Variants in RSPH10B observed in about 807,000 individuals in gnomAD.
The protein encoded by RSPH10B is radial spoke head 10 homolog B (Chlamydomonas).
In RSPH10B, 7 loss-of-function variants were observed where a neutral mutation model predicts 52.5. That is an observed-to-expected ratio of 0.13 (90% confidence interval 0.08 to 0.25). The LOEUF (loss-of-function observed/expected upper bound fraction) is 0.25, where lower values mean the gene tolerates loss of function less well. Ranked by LOEUF, RSPH10B falls within the 10% of genes least tolerant of loss-of-function variation. The probability of loss-of-function intolerance (pLI) is 1.00; values close to 1 mark genes in which losing one functional copy is unlikely to be tolerated. For synonymous variants in RSPH10B, 28 were observed against 193.2 expected (o/e 0.14, Z 7.09); for missense variants, 89 against 542.5 (o/e 0.16, Z 8.30).
intron 10 of RSPH10B, among the ~76,000 whole-genome samples, chr7:5,945,623 A>AC (rs1248065832): frequency 1.1e-5 from 1 of 87,400 alleles, no homozygotes; most frequent in Non-Finnish European, 2.4e-5. Flanking sequence ...CATCTCAAAA[A>AC]AAAAAAAAAA....
intron 13 of RSPH10B, among the ~76,000 whole-genome samples, chr7:5,941,707 G>T (rs1780198678): frequency 1.5e-5 from 2 of 137,362 alleles, no homozygotes; most frequent in Non-Finnish European, 3.2e-5. Context: ...CCTCACCACT[G>T]CACTCCACCC....
At position 5,955,170 on chromosome 7, in the gene RSPH10B, A is replaced by C. The variant is rs1455382666; in HGVS notation, c.957+835T>G. ...ACAGAGCGAAACTCTGTCTCAAAAA[A>C]AAGAAAAAAAAAGTCATGTAATCAC... is the stretch of plus-strand genomic sequence containing the variant. On this transcript the variant is annotated intron_variant, in intron 7 of 18. Transcript: ENST00000337579. 7.5e-5 allele frequency among the ~76,000 whole-genome samples: 10 copies of C among 133,068 alleles called. 2 individuals carry two copies. The South Asian group carries it at 2.7e-3, about 36-fold the overall frequency. The allele number at this position is 133,068 out of a possible 152,430, so 87.3% of individuals were successfully genotyped here.
At chr7:5,931,615 G>C (rs1159404796) in intron 17 of RSPH10B, among the ~76,000 whole-genome samples, 1 of 150,950 alleles carries the variant, frequency 6.6e-6, no homozygotes, top group Non-Finnish European at 1.5e-5. Flanking sequence ...TCAGCACTTT[G>C]GGAGTCAAGG....
intron 18 of RSPH10B, among the ~76,000 whole-genome samples, chr7:5,927,070 A>ATATATGTGTGTGTATGTATGTGTGTGTG (rs1554284566): frequency 5.4e-5 from 6 of 110,726 alleles, no homozygotes; most frequent in Non-Finnish European, 1.2e-4. Context: ...GTGTGTGTAT[A>ATATATGTGTGTGTATGTATGTGTGTGTG]TGTGTGTGTG....
intron 13 of RSPH10B, among the ~76,000 whole-genome samples, chr7:5,941,089 C>G (rs1472145835): frequency 1.6e-5 from 1 of 62,976 alleles, no homozygotes; most frequent in African/African-American, 5.1e-5. Context: ...ACTGCTTGAG[C>G]CCAGGAGTTC....
At chr7:5,927,064 GTGTATA>G (rs1322682259) in intron 18 of RSPH10B, among the ~76,000 whole-genome samples, 21 of 103,810 alleles carry the variant, frequency 2.0e-4, no homozygotes, top group Non-Finnish European at 3.1e-4. Context: ...GTGTGTGTGT[GTGTATA>G]TGTGTGTGTG....
chr7:5,940,956 T>C (rs1222633052), intron 13 of RSPH10B, among the ~76,000 whole-genome samples: 2 of 88,990 alleles, frequency 2.2e-5, no homozygotes, highest in African/African-American at 3.8e-5. Flanking sequence ...ATTATTATTA[T>C]TATTATTATT....
chr7:5,933,596 TAAC>T lies in RSPH10B; in HGVS notation c.2140-724_2140-722del, dbSNP rs1236738484. Among the ~76,000 whole-genome samples the T allele has an allele frequency of 1.5e-5, 2 of 134,786 alleles. 1 individual carries two copies. Among genetic ancestry groups the T allele is most frequent in the Admixed American group, 1.5e-4 (2 of 13,126 alleles). The allele number at this position is 134,786 out of a possible 152,430, so 88.4% of individuals were successfully genotyped here. On this transcript the variant is annotated intron_variant, in intron 16 of 18. Coordinates refer to ENST00000337579, the Ensembl canonical transcript of RSPH10B. ...AACATGGGTGAAACCCCATCTCTAC[TAAC>T]AACACAAAAAATTAGCCGGGCGTGG...
At chr7:5,927,100 T>TGTGTGTGTGTGTGTA (rs1779530712) in intron 18 of RSPH10B, among the ~76,000 whole-genome samples, 1 of 63,642 alleles carries the variant, frequency 1.6e-5, no homozygotes, top group African/African-American at 5.2e-5. Flanking sequence ...GTGTGTGTAT[T>TGTGTGTGTGTGTGTA]TTTTTTTTTG....
rs1256490745 is a variant in RSPH10B at position 5,966,396 on chromosome 7, G to A, written c.254+467C>T. ...GCTGTATGTTTGCTATTTGGGTGAT[G>A]GGCTTACTTAGAAGCCCAAACCTCA... On this transcript the variant is annotated intron_variant, in intron 1 of 18. Transcript: ENST00000337579. 5.9e-5 allele frequency among the ~76,000 whole-genome samples: 7 copies of A among 118,064 alleles called. 1 individual carries two copies. Among genetic ancestry groups the A allele is most frequent in the Non-Finnish European group, 9.2e-5 (5 of 54,264 alleles). The allele number at this position is 118,064 out of a possible 152,430, so 77.5% of individuals were successfully genotyped here. A position where few individuals can be genotyped will look rare whatever the true frequency, so the allele number is the denominator to read the frequency against.
chr7:5,940,851 G>A (rs1462401696), intron 13 of RSPH10B, among the ~76,000 whole-genome samples: 140 of 59,868 alleles, frequency 2.3e-3, no homozygotes, highest in African/African-American at 4.0e-3. Context: ...ACTTGAACCC[G>A]GGAGGCGGAG....
In RSPH10B at chr7:5,941,899, G is replaced by GT. The variant is rs1199623695; in HGVS notation, c.1758+1424dup. On this transcript the variant is annotated intron_variant, in intron 13 of 18. Transcript: ENST00000337579. The stretch of plus-strand genomic sequence containing the variant: ...GATATCCATCCTCCCCACTTCCTTA[G>GT]TTTTTTTTTTGAGACAGAGTTCTGC... Among the ~76,000 whole-genome samples the GT allele has an allele frequency of 3.4e-3, 494 of 145,376 alleles. 5 individuals carry two copies. The highest frequency in any genetic ancestry group is 7.2e-3 in the African/African-American group (284 of 39,394).
chr7:5,954,988 TAAAAAAA>T (rs1185408288), intron 7 of RSPH10B, among the ~76,000 whole-genome samples: 1 of 24,168 alleles, frequency 4.1e-5, no homozygotes. Context: ...CTGTAACTAC[TAAAAAAA>T]AAAAAAAAAA....
At chr7:5,933,578 G>A (rs1192006042) in intron 16 of RSPH10B, among the ~76,000 whole-genome samples, 6 of 137,430 alleles carry the variant, frequency 4.4e-5, no homozygotes, top group African/African-American at 1.5e-4. Flanking sequence ...GCTAACATGG[G>A]TGAAACCCCA....
chr7:5,931,673 G>A (rs1349420010), intron 17 of RSPH10B, among the ~76,000 whole-genome samples: 1 of 150,090 alleles, frequency 6.7e-6, no homozygotes, highest in Admixed American at 6.8e-5. Flanking sequence ...GACCAGCCTG[G>A]GCAACAGAGC....
chr7:5,958,110 C>T, intron 5 of RSPH10B, 83 bp from the exon 8 acceptor site: 1 of 420,130 alleles, frequency 2.4e-6, no homozygotes. Flanking sequence ...AAACACTCCC[C>T]TTGAGCTCCT....
At chr7:5,931,918 G>A (rs1233970843) in intron 17 of RSPH10B, among the ~76,000 whole-genome samples, 1 of 151,314 alleles carries the variant, frequency 6.6e-6, no homozygotes, top group African/African-American at 2.4e-5. Flanking sequence ...GAACCCAGGA[G>A]GCAGAGGTTG....
intron 13 of RSPH10B, among the ~76,000 whole-genome samples, chr7:5,941,975 C>A (rs1780216409): frequency 6.7e-6 from 1 of 149,378 alleles, no homozygotes. Context: ...TCATTGCAAC[C>A]TCGGCCTCCC....
chr7:5,965,824 AATATAT>A lies in RSPH10B; in HGVS notation c.255-118_255-113del. ...GGAAGAATGAAGTCAGAAAAAAAAA[AATATAT>A]ATATATATATATACACAGAGCTAGA... On this transcript the variant is annotated intron_variant, in intron 1 of 18. Transcript: ENST00000337579. 8 of 155,626 alleles carry A rather than the reference AATATAT, an allele frequency of 5.1e-5. No homozygotes were observed. In the South Asian group the frequency reaches 7.0e-4, roughly 14 times the overall value. The allele number at this position is 155,626 out of a possible 1,614,324, so 9.6% of individuals were successfully genotyped here. A position where few individuals can be genotyped will look rare whatever the true frequency, so the allele number is the denominator to read the frequency against.
Sources: allele counts gnomAD v4.1 joint callset (sites outside exome capture counted in the v4.1 genomes callset), GRCh38; gene constraint gnomAD v4.1.1; transcripts MANE v1.5; gene names NCBI Gene and HGNC (gene_info 2026-07-23, HGNC 2026-07-21).